SPAG16: variants seen among roughly 807,000 people sequenced by gnomAD.
The protein encoded by SPAG16 is sperm associated antigen 16.
In SPAG16, 86 loss-of-function variants were observed where a neutral mutation model predicts 80.4. The observed-to-expected ratio is 1.07, with a 90% CI of 0.90 to 1.28. The LOEUF (loss-of-function observed/expected upper bound fraction) is 1.28. Ranked by LOEUF, SPAG16 falls within the 50% of genes most tolerant of loss-of-function variation. SPAG16 has a pLI of 0.00. For missense variants in SPAG16, 870 were observed against 765.3 expected, an observed-to-expected ratio of 1.14 and a Z score of -1.61; for synonymous variants, 294 against 265.9, an observed-to-expected ratio of 1.11 and a Z score of -1.03.
intron 2 of SPAG16, among the ~76,000 whole-genome samples, chr2:213,296,558 T>C (rs1199957090): frequency 1.3e-5 from 2 of 152,202 alleles, no homozygotes; most frequent in Non-Finnish European, 1.5e-5. Context: ...TAATTCATTG[T>C]TCCCGAGACC....
chr2:213,887,440 C>T (rs1052576049), intron 11 of SPAG16, among the ~76,000 whole-genome samples: 1 of 151,664 alleles, frequency 6.6e-6, no homozygotes, highest in Non-Finnish European at 1.5e-5. Context: ...GATGTTTTCT[C>T]CTGATTAAAA....
intron 9 of SPAG16, among the ~76,000 whole-genome samples, chr2:213,451,787 T>C (rs2071707338): frequency 6.6e-6 from 1 of 152,238 alleles, no homozygotes; most frequent in East Asian, 1.9e-4. Flanking sequence ...GAGCCTCTAG[T>C]AGTCCCCACC....
At chr2:213,452,511 A>G (rs2071759898) in intron 9 of SPAG16, among the ~76,000 whole-genome samples, 1 of 152,228 alleles carries the variant, frequency 6.6e-6, no homozygotes, top group Non-Finnish European at 1.5e-5. Context: ...ACCCTAGTCA[A>G]ATCACATTCC....
chr2:213,892,230 A>G (rs1282637306), intron 11 of SPAG16, among the ~76,000 whole-genome samples: 1 of 152,092 alleles, frequency 6.6e-6, no homozygotes, highest in Non-Finnish European at 1.5e-5. Context: ...CAGCACTTTG[A>G]GCTTTTACTA....
At chr2:213,286,736 C>T (rs2062069978) in intron 1 of SPAG16, among the ~76,000 whole-genome samples, 1 of 152,216 alleles carries the variant, frequency 6.6e-6, no homozygotes, top group Non-Finnish European at 1.5e-5. Context: ...GCTCCTAGTA[C>T]ATTAGACAAT....
chr2:214,038,871 A>C (rs7588565), intron 13 of SPAG16, among the ~76,000 whole-genome samples: 2,905 of 152,224 alleles, frequency 0.019, 94 homozygotes, highest in African/African-American at 0.067. Context: ...AGGACATGAA[A>C]TCATTATTTT....
rs534736643 is a variant in SPAG16 at position 213,493,197 on chromosome 2, C to T, written c.1070+3107C>T. ...ATTTGGGCAAAATGCATGACAAGCA[C>T]GACCTAGGATAATTGCTATAAACTT... On this transcript the variant is annotated intron_variant, in intron 10 of 15. Coordinates refer to ENST00000331683, the MANE Select transcript of SPAG16 (RefSeq NM_024532.5). Among the ~76,000 whole-genome samples, 5 of 152,270 alleles carry T rather than the reference C, an allele frequency of 3.3e-5. No homozygotes were observed. The South Asian group carries it at 6.2e-4, about 19-fold the overall frequency.
chr2:213,686,799 T>C (rs1574812147), intron 10 of SPAG16, among the ~76,000 whole-genome samples: 1 of 146,460 alleles, frequency 6.8e-6, no homozygotes, highest in Admixed American at 7.0e-5. Context: ...CGATTCTGCC[T>C]CAGCCTCCCA....
intron 11 of SPAG16, among the ~76,000 whole-genome samples, chr2:213,871,900 C>G (rs929013255): frequency 2.2e-5 from 3 of 133,694 alleles, no homozygotes; most frequent in Admixed American, 1.5e-4. Flanking sequence ...AGAGAGAGAG[C>G]AAACAGCAGT....
At chr2:213,678,031 C>T (rs1385588563) in intron 10 of SPAG16, among the ~76,000 whole-genome samples, 3 of 151,626 alleles carry the variant, frequency 2.0e-5, no homozygotes, top group Admixed American at 6.6e-5. Flanking sequence ...GGGTACATAA[C>T]GAAATGAAGG....
intron 15 of SPAG16, among the ~76,000 whole-genome samples, chr2:214,383,817 G>A (rs1180729260): frequency 1.3e-5 from 2 of 152,124 alleles, no homozygotes; most frequent in Admixed American, 1.3e-4. Flanking sequence ...ATCAAATTTA[G>A]ATTTCTTAAA....
At chr2:213,513,031 G>C (rs1289215978) in intron 10 of SPAG16, among the ~76,000 whole-genome samples, 1 of 152,134 alleles carries the variant, frequency 6.6e-6, no homozygotes, top group Non-Finnish European at 1.5e-5. Context: ...GAGTCTGGTT[G>C]TAATGCATTC....
chr2:214,214,537 T>C (rs2125758143), intron 15 of SPAG16, among the ~76,000 whole-genome samples: 1 of 152,216 alleles, frequency 6.6e-6, no homozygotes, highest in South Asian at 2.1e-4. Context: ...GGCCTGTAGG[T>C]TTGTCTCCTC....
At chr2:213,478,295 T>A (rs542278625) in intron 9 of SPAG16, among the ~76,000 whole-genome samples, 1 of 152,304 alleles carries the variant, frequency 6.6e-6, no homozygotes, top group African/African-American at 2.4e-5. Flanking sequence ...CAGGTACATT[T>A]AAATTTTGTC....
At chr2:213,558,575 TTAAAAGA>T (rs1274477403) in intron 10 of SPAG16, among the ~76,000 whole-genome samples, 1 of 151,994 alleles carries the variant, frequency 6.6e-6, no homozygotes, top group East Asian at 1.9e-4. Context: ...ACCTAACCAC[TTAAAAGA>T]TAAAGTATAT....
At chr2:213,391,113 CA>C (rs1250932523) in intron 9 of SPAG16, among the ~76,000 whole-genome samples, 2 of 151,998 alleles carry the variant, frequency 1.3e-5, no homozygotes, top group South Asian at 4.1e-4. Context: ...ACTAAAAATA[CA>C]AAAATTAGCT....
intron 11 of SPAG16, among the ~76,000 whole-genome samples, chr2:213,880,421 G>T (rs1014214326): frequency 6.6e-6 from 1 of 152,060 alleles, no homozygotes; most frequent in African/African-American, 2.4e-5. Context: ...TCCCATTTCT[G>T]CAGATTGCCT....
intron 10 of SPAG16, among the ~76,000 whole-genome samples, chr2:213,806,342 G>A (rs2071769477): frequency 1.3e-5 from 2 of 151,968 alleles, no homozygotes; most frequent in South Asian, 2.1e-4. Context: ...CCATTACTTA[G>A]GTAAATGTTT....
intron 15 of SPAG16, among the ~76,000 whole-genome samples, chr2:214,292,452 C>A (rs187836244): frequency 2.0e-5 from 3 of 152,072 alleles, no homozygotes; most frequent in Admixed American, 2.0e-4. Context: ...ATTATTGAAG[C>A]TTTCAGATGT....
Sources: gnomAD v4.1 joint callset for allele counts (sites outside exome capture counted in the v4.1 genomes callset) on GRCh38, gnomAD v4.1.1 for gene constraint, MANE v1.5 for transcripts, NCBI Gene and HGNC (gene_info 2026-07-23, HGNC 2026-07-21) for gene names.